The following TSPAN18 variants were observed in gnomAD, a reference collection of about 807,000 sequenced individuals.
TSPAN18 encodes the protein tetraspanin 18.
A neutral mutation model predicts 27.3 loss-of-function variants in TSPAN18; 14 were observed. The ratio of observed to expected loss-of-function variants is 0.51; its 90% CI spans 0.34 to 0.80. The LOEUF (loss-of-function observed/expected upper bound fraction) is 0.80. TSPAN18 is among the 30% of genes least tolerant of loss of function. The pLI is 0.01. For missense variants in TSPAN18, 268 were observed against 323.9 expected (o/e 0.83, Z 1.32); for synonymous variants, 143 against 136.5 (o/e 1.05, Z -0.33).
At chr11:44,881,796 G>A (rs1206540905) in intron 3 of TSPAN18, among the ~76,000 whole-genome samples, 6 of 152,190 alleles carry the variant, frequency 3.9e-5, no homozygotes, top group Admixed American at 6.5e-5. Context: ...ATTGTCTCCA[G>A]TTGCAGGCAC....
At chr11:44,877,610 A>G (rs571525778) in intron 3 of TSPAN18, among the ~76,000 whole-genome samples, 1 of 152,280 alleles carries the variant, frequency 6.6e-6, no homozygotes, top group East Asian at 1.9e-4. Flanking sequence ...TCAGAAAGCC[A>G]GAAAGGGAGG....
intron 2 of TSPAN18, among the ~76,000 whole-genome samples, chr11:44,809,833 A>G (rs1415731033): frequency 6.6e-6 from 1 of 152,242 alleles, no homozygotes; most frequent in Non-Finnish European, 1.5e-5. Flanking sequence ...TGTGTTCAGC[A>G]CAGCGATTGG....
chr11:44,783,587 C>T lies in TSPAN18; in HGVS notation c.-153+19075C>T, dbSNP rs551028944. ...CTAATTTTTGTATTTTTAGTAGAGA[C>T]GGGGTTTCACCATGTTGGCCAGGCT... On this transcript the variant is annotated intron_variant, in intron 2 of 9. Coordinates refer to ENST00000520358, the MANE Select transcript of TSPAN18 (RefSeq NM_130783.5). 1.1e-4 allele frequency among the ~76,000 whole-genome samples: 17 copies of T among 151,530 alleles called. No homozygotes were observed. The South Asian group carries it at 2.5e-3, about 22-fold the overall frequency.
At chr11:44,918,258 C>G (rs1452657816) in intron 6 of TSPAN18, among the ~76,000 whole-genome samples, 1 of 152,240 alleles carries the variant, frequency 6.6e-6, no homozygotes, top group Non-Finnish European at 1.5e-5. Context: ...GGGCTTTTCT[C>G]TGCTCCCAAA....
chr11:44,751,345 C>T (rs1399623234), intron 1 of TSPAN18, among the ~76,000 whole-genome samples: 1 of 152,104 alleles, frequency 6.6e-6, no homozygotes, highest in Admixed American at 6.5e-5. Context: ...CAGACAGGCT[C>T]CAGGGCCAGG....
At chr11:44,741,702 A>G (rs1349585367) in intron 1 of TSPAN18, among the ~76,000 whole-genome samples, 1 of 152,176 alleles carries the variant, frequency 6.6e-6, no homozygotes. Context: ...TTGGAGTCCC[A>G]TGGATCTGGG....
chr11:44,894,353 G>T (rs922943125), intron 3 of TSPAN18, among the ~76,000 whole-genome samples: 2 of 152,180 alleles, frequency 1.3e-5, no homozygotes, highest in African/African-American at 4.8e-5. Context: ...TCCTGGCCAG[G>T]GCACGTGCAA....
At chr11:44,784,328 T>G (rs540088244) in intron 2 of TSPAN18, among the ~76,000 whole-genome samples, 1 of 152,318 alleles carries the variant, frequency 6.6e-6, no homozygotes, top group South Asian at 2.1e-4. Context: ...CATTTTTCTC[T>G]GGTGTGTACA....
chr11:44,840,131 C>T (rs1465481834), intron 2 of TSPAN18, among the ~76,000 whole-genome samples: 1 of 152,228 alleles, frequency 6.6e-6, no homozygotes, highest in East Asian at 1.9e-4. Context: ...GCCAGGGAAC[C>T]TTGAGCAATG....
At chr11:44,791,682 T>C (rs1458472388) in intron 2 of TSPAN18, among the ~76,000 whole-genome samples, 1 of 152,174 alleles carries the variant, frequency 6.6e-6, no homozygotes. Context: ...GGGCATCTGC[T>C]CTGGGAAGAG....
intron 2 of TSPAN18, among the ~76,000 whole-genome samples, chr11:44,814,674 C>T (rs1011981181): frequency 6.6e-6 from 1 of 151,548 alleles, no homozygotes; most frequent in Non-Finnish European, 1.5e-5. Flanking sequence ...ATCCATCCAT[C>T]CATCCATCCA....
chr11:44,830,666 C>T (rs1402442356), intron 2 of TSPAN18, among the ~76,000 whole-genome samples: 1 of 152,174 alleles, frequency 6.6e-6, no homozygotes, highest in East Asian at 1.9e-4. Flanking sequence ...CAGGGCCAGG[C>T]ACCTAACACA....
At chr11:44,903,075 T>C (rs1284048433) in intron 3 of TSPAN18, among the ~76,000 whole-genome samples, 1 of 152,084 alleles carries the variant, frequency 6.6e-6, no homozygotes, top group Non-Finnish European at 1.5e-5. Context: ...TCCTCTGGGA[T>C]TCACCAGGAA....
intron 2 of TSPAN18, among the ~76,000 whole-genome samples, chr11:44,776,435 G>A (rs568272064): frequency 6.6e-6 from 1 of 152,086 alleles, no homozygotes; most frequent in South Asian, 2.1e-4. Context: ...AATTGGGCAC[G>A]ATAACCTTTC....
chr11:44,841,994 C>G (rs1857383478), intron 2 of TSPAN18, among the ~76,000 whole-genome samples: 5 of 152,248 alleles, frequency 3.3e-5, no homozygotes, highest in Non-Finnish European at 5.9e-5. Context: ...TAAATCTGAT[C>G]TAGCCCACCT....
intron 1 of TSPAN18, among the ~76,000 whole-genome samples, chr11:44,728,687 G>A (rs1237380417): frequency 6.6e-6 from 1 of 152,210 alleles, no homozygotes; most frequent in East Asian, 1.9e-4. Context: ...GTGGAAATCT[G>A]CCCTGGGTCC....
intron 3 of TSPAN18, among the ~76,000 whole-genome samples, chr11:44,863,217 G>A (rs1590599145): frequency 6.6e-6 from 1 of 152,180 alleles, no homozygotes; most frequent in Non-Finnish European, 1.5e-5. Flanking sequence ...GGCCAGTTTC[G>A]GACGTTAGAA....
At chr11:44,803,647 A>T (rs1856530336) in intron 2 of TSPAN18, among the ~76,000 whole-genome samples, 1 of 152,134 alleles carries the variant, frequency 6.6e-6, no homozygotes, top group African/African-American at 2.4e-5. Flanking sequence ...GGAGCAGGGG[A>T]CACTGGGGTG....
intron 2 of TSPAN18, among the ~76,000 whole-genome samples, chr11:44,816,152 G>A (rs1311429923): frequency 4.5e-5 from 3 of 66,206 alleles, no homozygotes; most frequent in South Asian, 8.0e-4. Flanking sequence ...TATTGTTAGC[G>A]CCAATGTAGA....
Sources: allele counts gnomAD v4.1 joint callset (sites outside exome capture counted in the v4.1 genomes callset), GRCh38; gene constraint gnomAD v4.1.1; transcripts MANE v1.5; gene names NCBI Gene and HGNC (gene_info 2026-07-23, HGNC 2026-07-21).